The following IL19 variants were observed in gnomAD, a reference collection of about 807,000 sequenced individuals.
The protein encoded by IL19 is interleukin-19.
Under a neutral mutation model 19.5 loss-of-function variants are expected in IL19, and 15 were observed. The ratio of observed to expected loss-of-function variants is 0.77; its 90% CI spans 0.52 to 1.19. IL19 has a LOEUF of 1.19. Among genes scored for constraint, IL19 ranks in the 50% most tolerant of loss-of-function variants. The pLI is 0.00. For synonymous variants in IL19, 78 were observed against 78.3 expected, an observed-to-expected ratio of 1.00 and a Z score of 0.02; for missense variants, 199 against 213.1, an observed-to-expected ratio of 0.93 and a Z score of 0.41.
At chr1:206,773,604 G>GTGTGTGTGTGTT (rs1399028223) in intron 1 of IL19, among the ~76,000 whole-genome samples, 1 of 151,044 alleles carries the variant, frequency 6.6e-6, no homozygotes, top group Non-Finnish European at 1.5e-5. Flanking sequence ...GTGTGTGTGT[G>GTGTGTGTGTGTT]TGTGTGTGTG....
intron 1 of IL19, among the ~76,000 whole-genome samples, chr1:206,781,334 G>T (rs1174597170): frequency 7.5e-6 from 1 of 134,204 alleles, no homozygotes; most frequent in Non-Finnish European, 1.5e-5. Flanking sequence ...AGAATCACTT[G>T]AATCTGGGAG....
intron 1 of IL19, among the ~76,000 whole-genome samples, chr1:206,784,431 C>T (rs1033108132): frequency 2.0e-5 from 3 of 152,064 alleles, no homozygotes; most frequent in African/African-American, 7.2e-5. Context: ...CCTCTTCTAG[C>T]TCATAGCTTC....
At chr1:206,822,913 T>C (rs1676323440) in intron 2 of IL19, among the ~76,000 whole-genome samples, 1 of 152,018 alleles carries the variant, frequency 6.6e-6, no homozygotes, top group Non-Finnish European at 1.5e-5. Flanking sequence ...TTTCACTGCA[T>C]GGATCCTTTC....
chr1:206,806,128 T>C (rs910172110), intron 2 of IL19, among the ~76,000 whole-genome samples: 1 of 152,234 alleles, frequency 6.6e-6, no homozygotes, highest in Admixed American at 6.5e-5. Context: ...GCTTGGGTCA[T>C]GTACTCACCC....
At chr1:206,791,683 C>G (rs1407148378) in intron 1 of IL19, among the ~76,000 whole-genome samples, 1 of 152,242 alleles carries the variant, frequency 6.6e-6, no homozygotes, top group East Asian at 1.9e-4. Flanking sequence ...CCAGTGGCCT[C>G]TCACTAGCGT....
chr1:206,823,807 G>A (rs538840510), intron 2 of IL19, among the ~76,000 whole-genome samples: 2 of 152,282 alleles, frequency 1.3e-5, no homozygotes, highest in South Asian at 4.1e-4. Context: ...GAAATGCAGG[G>A]AATAAACAGT....
intron 2 of IL19, among the ~76,000 whole-genome samples, chr1:206,802,093 G>A (rs1675725149): frequency 6.6e-6 from 1 of 152,222 alleles, no homozygotes; most frequent in Admixed American, 6.5e-5. Flanking sequence ...GGCTCCTTGT[G>A]TGCATCAGTG....
At chr1:206,791,383 A>G (rs1427269832) in intron 1 of IL19, among the ~76,000 whole-genome samples, 1 of 150,464 alleles carries the variant, frequency 6.6e-6, no homozygotes, top group African/African-American at 2.5e-5. Flanking sequence ...GCTCACTGCA[A>G]CCTCCACCTC....
chr1:206,818,044 G>A lies in IL19; in HGVS notation c.-2-18617G>A, dbSNP rs561466072. Among the ~76,000 whole-genome samples the A allele has an allele frequency of 1.4e-4, 21 of 152,268 alleles. No individual in the cohort carries two copies. The South Asian group carries it at 3.1e-3, about 23-fold the overall frequency. ...CTCCAAAAGTGCTGGGATTGCAGGCGTGAGCCACCACGCCCGGCCAATTAT... is the reference window on the plus strand; with the variant it reads ...CTCCAAAAGTGCTGGGATTGCAGGCATGAGCCACCACGCCCGGCCAATTAT... On this transcript the variant is annotated intron_variant, in intron 2 of 6. Coordinates refer to ENST00000659997, the MANE Select transcript of IL19 (RefSeq NM_153758.5).
In IL19 at chr1:206,798,907, G is replaced by C; in HGVS notation, c.-102G>C. ...CAGGAGTCCAAGAATGTGCACTGAG[G>C]GAGCGTTTCCGCACAGATCTGCGTG... On this transcript the variant is annotated 5_prime_UTR_variant, in exon 2 of 7. Transcript: ENST00000659997. 1 of 1,612,590 alleles carries C rather than the reference G, an allele frequency of 6.2e-7. No individual in the cohort carries two copies. The highest frequency in any genetic ancestry group is 8.5e-7 in the Non-Finnish European group (1 of 1,179,502).
At chr1:206,801,404 C>T (rs1294506628) in intron 2 of IL19, among the ~76,000 whole-genome samples, 1 of 152,234 alleles carries the variant, frequency 6.6e-6, no homozygotes, top group Non-Finnish European at 1.5e-5. Flanking sequence ...CTTTCCCTGG[C>T]CAGACTCAAG....
chr1:206,817,751 T>C (rs1435968038), intron 2 of IL19, among the ~76,000 whole-genome samples: 1 of 151,902 alleles, frequency 6.6e-6, no homozygotes, highest in Non-Finnish European at 1.5e-5. Flanking sequence ...ACAATTATGG[T>C]AGAAGATTTC....
At chr1:206,835,692 GC>G (rs1226692122) in intron 2 of IL19, among the ~76,000 whole-genome samples, 1 of 152,262 alleles carries the variant, frequency 6.6e-6, no homozygotes, top group African/African-American at 2.4e-5. Flanking sequence ...TGGGCACCAT[GC>G]AAAGTGCATA....
At chr1:206,809,136 C>T (rs1230478975) in intron 2 of IL19, among the ~76,000 whole-genome samples, 1 of 152,166 alleles carries the variant, frequency 6.6e-6, no homozygotes, top group Non-Finnish European at 1.5e-5. Context: ...ACTGCTTCAC[C>T]TAGGAGCTGT....
chr1:206,783,955 C>T (rs560353308), intron 1 of IL19, among the ~76,000 whole-genome samples: 2 of 152,268 alleles, frequency 1.3e-5, no homozygotes, highest in South Asian at 4.1e-4. Flanking sequence ...AGCCAGCCCA[C>T]CTGAAGTGTA....
chr1:206,781,669 G>A (rs1411142501), intron 1 of IL19, among the ~76,000 whole-genome samples: 56 of 150,698 alleles, frequency 3.7e-4, no homozygotes, highest in Admixed American at 3.7e-3. Context: ...TCATTTACAT[G>A]TGCCCCTCTT....
rs771589131 is a variant in IL19 at position 206,791,388 on chromosome 1, C to A, written c.-148-7473C>A. Among the ~76,000 whole-genome samples, 64 of 151,540 alleles carry A rather than the reference C, an allele frequency of 4.2e-4. 2 individuals are homozygous for A. Among genetic ancestry groups the A allele is most frequent in the Non-Finnish European group, 1.9e-4 (13 of 67,922 alleles). ...CATGATCTTGGCTCACTGCAACCTCCACCTCCTGGGTTCAAGCGGTTCTTC... is the reference window on the plus strand; with the variant it reads ...CATGATCTTGGCTCACTGCAACCTCAACCTCCTGGGTTCAAGCGGTTCTTC... On this transcript the variant is annotated intron_variant, in intron 1 of 6. Coordinates refer to ENST00000659997, the MANE Select transcript of IL19 (RefSeq NM_153758.5).
chr1:206,829,928 G>A (rs1558620717), intron 2 of IL19, among the ~76,000 whole-genome samples: 1 of 152,222 alleles, frequency 6.6e-6, no homozygotes, highest in Non-Finnish European at 1.5e-5. Flanking sequence ...GGTGCCCAAT[G>A]TGGATTTGTG....
At chr1:206,819,481 G>A (rs1449953091) in intron 2 of IL19, among the ~76,000 whole-genome samples, 2 of 151,916 alleles carry the variant, frequency 1.3e-5, no homozygotes, top group Non-Finnish European at 2.9e-5. Flanking sequence ...CTACTCGGGA[G>A]GCTGAGGCAG....
Sources: gnomAD v4.1 joint callset for allele counts (sites outside exome capture counted in the v4.1 genomes callset) on GRCh38, gnomAD v4.1.1 for gene constraint, MANE v1.5 for transcripts, NCBI Gene and HGNC (gene_info 2026-07-23, HGNC 2026-07-21) for gene names.